ABCC1: variants seen among roughly 807,000 people sequenced by gnomAD.
The protein encoded by ABCC1 is multidrug resistance-associated protein 1.
A neutral mutation model predicts 172.9 loss-of-function variants in ABCC1; 83 were observed. That is an observed-to-expected ratio of 0.48 (90% CI 0.40 to 0.58). ABCC1 has a LOEUF of 0.58. ABCC1 is among the 20% of genes least tolerant of loss of function. ABCC1 has a pLI of 0.00. For missense variants in ABCC1, 1,817 were observed against 2,002.7 expected (o/e 0.91, Z 1.77); for synonymous variants, 937 against 825.2 (o/e 1.14, Z -2.32).
intron 16 of ABCC1, among the ~76,000 whole-genome samples, 163 bp downstream of exon 16, chr16:16,079,641 G>A (rs918995399): frequency 1.3e-5 from 2 of 151,948 alleles, no homozygotes; most frequent in Admixed American, 6.6e-5. Flanking sequence ...TTTCTCTCTC[G>A]TTCTTTCTGT....
intron 1 of ABCC1, among the ~76,000 whole-genome samples, chr16:15,982,820 A>AAAAAAAAAAAAAAAAAAAG (rs1567285628): frequency 6.7e-6 from 1 of 150,044 alleles, no homozygotes; most frequent in Non-Finnish European, 1.5e-5. Flanking sequence ...AAAAAAAAAA[A>AAAAAAAAAAAAAAAAAAAG]AAAAGGAAAT....
At position 16,142,517 on chromosome 16, in the gene ABCC1, G is replaced by A. The variant is rs1482579438; in HGVS notation, c.*1236G>A. Reference sequence around the variant, plus strand: ...CCCTTGGCATCCGGTTAGCCCCCCAGGGGGGGCAGCATTGTGGAGAACTTG... The same window carrying A: ...CCCTTGGCATCCGGTTAGCCCCCCAAGGGGGGCAGCATTGTGGAGAACTTG... On this transcript the variant is annotated 3_prime_UTR_variant, in exon 31 of 31. Coordinates refer to ENST00000399410, the MANE Select transcript of ABCC1 (RefSeq NM_004996.4). 1 of 151,946 alleles carries A rather than the reference G, an allele frequency of 6.6e-6. No individual in the cohort carries two copies. The highest frequency in any genetic ancestry group is 1.5e-5 in the Non-Finnish European group (1 of 67,954). The allele number at this position is 151,946 out of a possible 1,614,324, so 9.4% of individuals were successfully genotyped here.
chr16:16,039,642 G>C (rs1309985864), intron 7 of ABCC1, among the ~76,000 whole-genome samples: 1 of 152,088 alleles, frequency 6.6e-6, no homozygotes, highest in Non-Finnish European at 1.5e-5. Flanking sequence ...GCATGTGCCT[G>C]TCCCTCCCTA....
chr16:16,132,341 T>C (rs544462489), intron 27 of ABCC1, among the ~76,000 whole-genome samples: 93 of 147,866 alleles, frequency 6.3e-4, no homozygotes, highest in African/African-American at 2.3e-3. Context: ...CCTGGCTAAT[T>C]TTTGTATTTT....
At chr16:16,088,065 T>TAA (rs1462348799) in intron 18 of ABCC1, among the ~76,000 whole-genome samples, 5 of 152,170 alleles carry the variant, frequency 3.3e-5, no homozygotes, top group Non-Finnish European at 7.3e-5. Flanking sequence ...ACATGCCCAT[T>TAA]GTAACAAAAT....
In ABCC1 at chr16:16,008,450, C is replaced by T. The variant is rs543721880; in HGVS notation, c.225+458C>T. Among the ~76,000 whole-genome samples, 169 of 151,946 alleles carry T rather than the reference C, an allele frequency of 1.1e-3. 1 individual carries two copies. Among genetic ancestry groups the T allele is most frequent in the African/African-American group, 3.7e-3 (152 of 41,466 alleles). Reference sequence around the variant, plus strand: ...GAACACCTGGCCTCAAGCAGTCCTCCTGCCTTGGTCTCCCAAAGTACTGGG... The same window carrying T: ...GAACACCTGGCCTCAAGCAGTCCTCTTGCCTTGGTCTCCCAAAGTACTGGG... On this transcript the variant is annotated intron_variant, in intron 2 of 30. Coordinates refer to ENST00000399410, the MANE Select transcript of ABCC1 (RefSeq NM_004996.4).
chr16:15,950,556 G>A (rs763410171), intron 1 of ABCC1, among the ~76,000 whole-genome samples: 2 of 152,116 alleles, frequency 1.3e-5, no homozygotes, highest in African/African-American at 2.4e-5. Context: ...ATTTAACCCC[G>A]GCAAGTTTTC....
chr16:16,035,569 C>T (rs1157568157), intron 6 of ABCC1, among the ~76,000 whole-genome samples: 1 of 151,104 alleles, frequency 6.6e-6, no homozygotes, highest in Admixed American at 6.6e-5. Context: ...CGGCTCTTTG[C>T]AGCCTCCACC....
chr16:16,101,596 C>T (rs1323186627), intron 19 of ABCC1, among the ~76,000 whole-genome samples: 1 of 152,160 alleles, frequency 6.6e-6, no homozygotes. Flanking sequence ...ATCTTCTGTC[C>T]TGGGTCCTCT....
rs560331556 is a variant in ABCC1 at position 16,029,959 on chromosome 16, A to G, written c.616-3150A>G. Among the ~76,000 whole-genome samples, 17 of 152,288 alleles carry G rather than the reference A, an allele frequency of 1.1e-4. No individual in the cohort carries two copies. The South Asian group carries it at 2.7e-3, about 24-fold the overall frequency. On this transcript the variant is annotated intron_variant, in intron 5 of 30. Transcript: ENST00000399410. ...GTACAATGGCTCATTCTTCTATGAT[A>G]TCATTCTTTATGTTTTAGCTGGGAT...
chr16:15,971,288 T>C (rs930006184), intron 1 of ABCC1, among the ~76,000 whole-genome samples: 1 of 152,096 alleles, frequency 6.6e-6, no homozygotes, highest in African/African-American at 2.4e-5. Context: ...CAGGGTACCA[T>C]GATCTGCACA....
chr16:16,059,171 G>A (rs1472480292), intron 12 of ABCC1, among the ~76,000 whole-genome samples: 1 of 152,150 alleles, frequency 6.6e-6, no homozygotes, highest in Non-Finnish European at 1.5e-5. Context: ...GCTTGTTAAC[G>A]GTGCAGAATT....
rs142274315 is a variant in ABCC1 at position 16,069,595 on chromosome 16, C to T, written c.1824+1293C>T. On this transcript the variant is annotated intron_variant, in intron 13 of 30. Transcript: ENST00000399410. The stretch of plus-strand genomic sequence containing the variant: ...ATTTTAACTACATAGGCAAATCAAC[C>T]GTAAAATTTGGTAGTACAAGGCTGA... Among the ~76,000 whole-genome samples, 57 of 151,776 alleles carry T rather than the reference C, an allele frequency of 3.8e-4. 1 individual carries two copies. Among genetic ancestry groups the T allele is most frequent in the Admixed American group, 7.9e-4 (12 of 15,230 alleles).
At chr16:15,952,311 G>A (rs1259074784) in intron 1 of ABCC1, among the ~76,000 whole-genome samples, 1 of 152,138 alleles carries the variant, frequency 6.6e-6, no homozygotes, top group African/African-American at 2.4e-5. Flanking sequence ...TCTTCAGCTG[G>A]TGGAGATGGG....
chr16:16,080,426 G>A (rs2050762411), intron 16 of ABCC1, among the ~76,000 whole-genome samples: 1 of 152,166 alleles, frequency 6.6e-6, no homozygotes, highest in South Asian at 2.1e-4. Context: ...TTTGAAGTAA[G>A]TTGAAATTCC....
chr16:15,989,471 C>G (rs1202007101), intron 1 of ABCC1, among the ~76,000 whole-genome samples: 1 of 152,184 alleles, frequency 6.6e-6, no homozygotes, highest in South Asian at 2.1e-4. Flanking sequence ...TCTCTCTAAA[C>G]AGGATTAATG....
intron 7 of ABCC1, among the ~76,000 whole-genome samples, chr16:16,040,960 C>G (rs982569440): frequency 3.9e-5 from 6 of 151,972 alleles, no homozygotes; most frequent in African/African-American, 1.4e-4. Flanking sequence ...CAGGGTGTCA[C>G]TCTTTTGTCC....
intron 3 of ABCC1, among the ~76,000 whole-genome samples, 197 bp downstream of exon 3, chr16:16,010,098 C>T (rs1269393830): frequency 8.4e-6 from 1 of 118,896 alleles, no homozygotes; most frequent in Non-Finnish European, 1.6e-5. Context: ...GGCTGGAGTG[C>T]TATGGTACCA....
At chr16:16,017,258 T>C (rs2048033993) in intron 5 of ABCC1, among the ~76,000 whole-genome samples, 1 of 152,036 alleles carries the variant, frequency 6.6e-6, no homozygotes, top group Non-Finnish European at 1.5e-5. Context: ...TGAGACAGGG[T>C]TTTGCTCTGT....
Sources: gnomAD v4.1 joint callset for allele counts (sites outside exome capture counted in the v4.1 genomes callset) on GRCh38, gnomAD v4.1.1 for gene constraint, MANE v1.5 for transcripts, NCBI Gene and HGNC (gene_info 2026-07-23, HGNC 2026-07-21) for gene names.